SATL1: variants seen among roughly 807,000 people sequenced by gnomAD.
SATL1 encodes spermidine/spermine N(1)-acetyltransferase-like protein 1.
Under a neutral mutation model 51.8 loss-of-function variants are expected in SATL1, and 47 were observed. That is an observed-to-expected ratio of 0.91 (90% CI 0.72 to 1.16). SATL1 has a LOEUF of 1.16. SATL1 is among the 50% of genes most tolerant of loss of function. The pLI, the probability that SATL1 is intolerant of heterozygous loss-of-function variation, is 0.00. For missense variants in SATL1, 520 were observed against 526.4 expected (o/e 0.99, Z 0.12); for synonymous variants, 176 against 182.4 (o/e 0.97, Z 0.28).
At chrX:85,176,567 T>C (rs1351270488) in intron 2 of SATL1, among the ~76,000 whole-genome samples, 1 of 111,790 alleles carries the variant, frequency 8.9e-6, no homozygotes, top group Non-Finnish European at 1.9e-5. Flanking sequence ...TCTGAATAGC[T>C]CTCCAAGATA....
chrX:85,133,496 G>A (rs1466765268), intron 2 of SATL1, among the ~76,000 whole-genome samples: 1 of 112,407 alleles, frequency 8.9e-6, no homozygotes, highest in South Asian at 3.6e-4. Flanking sequence ...CATTTGCTAA[G>A]ACCATTGGAA....
chrX:85,213,881 T>G (rs778335402), intron 2 of SATL1, among the ~76,000 whole-genome samples: 11 of 111,373 alleles, frequency 9.9e-5, no homozygotes, highest in African/African-American at 3.3e-4. Context: ...TGAACTCATT[T>G]TGGGTCAATA....
chrX:85,145,781 A>C (rs1227242618), intron 2 of SATL1, among the ~76,000 whole-genome samples: 1 of 110,984 alleles, frequency 9.0e-6, no homozygotes, highest in Admixed American at 9.6e-5. Flanking sequence ...AGTCCCCCTT[A>C]TTTGCAGTTT....
chrX:85,153,765 G>T (rs1048152445), intron 2 of SATL1: 8 of 111,524 alleles, frequency 7.2e-5, no homozygotes, highest in African/African-American at 2.6e-4. Flanking sequence ...GGGTACATGG[G>T]GACCAAATGT....
At chrX:85,109,301 A>C in intron 2 of SATL1, 21 bp from the exon 3 acceptor site, 1 of 301,710 alleles carries the variant, frequency 3.3e-6, no homozygotes, top group South Asian at 6.2e-5. Flanking sequence ...GGGGGAAGTA[A>C]AGGGAAGACG....
At chrX:85,166,418 C>A (rs1470153111) in intron 2 of SATL1, among the ~76,000 whole-genome samples, 1 of 111,468 alleles carries the variant, frequency 9.0e-6, no homozygotes, top group African/African-American at 3.3e-5. Flanking sequence ...GGAACTCAAA[C>A]AAATCATCAA....
chrX:85,209,648 G>A (rs1386672625), intron 2 of SATL1: 2 of 111,126 alleles, frequency 1.8e-5, no homozygotes, highest in African/African-American at 3.3e-5. Flanking sequence ...ATCGTGAATG[G>A]GAATTCACTC....
intron 2 of SATL1, among the ~76,000 whole-genome samples, chrX:85,140,782 C>T (rs1926090194): frequency 9.0e-6 from 1 of 111,500 alleles, no homozygotes; most frequent in African/African-American, 3.3e-5. Context: ...ACGTTATATC[C>T]CTAGAATTTT....
chrX:85,154,950 G>A (rs955039343), intron 2 of SATL1, among the ~76,000 whole-genome samples: 3 of 111,582 alleles, frequency 2.7e-5, no homozygotes, highest in Middle Eastern at 4.6e-3. Flanking sequence ...TATAAAGGTA[G>A]TTTGAAATAT....
At chrX:85,166,937 GTGTA>G (rs1181946674) in intron 2 of SATL1, among the ~76,000 whole-genome samples, 1 of 80,970 alleles carries the variant, frequency 1.2e-5, no homozygotes, top group African/African-American at 5.9e-5. Flanking sequence ...ATATATATAT[GTGTA>G]TGTGTGTGTG....
Position 85,156,868 on chromosome X carries a change from T to A in SATL1, c.-312-47588A>T, listed in dbSNP as rs868698845. ...ATATATATATATATATATATATATA[T>A]AAAATATGTAAATCTCTTCTCATCC... is the stretch of plus-strand genomic sequence containing the variant. On this transcript the variant is annotated intron_variant, in intron 2 of 7. Transcript: ENST00000644105. Among the ~76,000 whole-genome samples the A allele has an allele frequency of 4.0e-3, 285 of 70,564 alleles. 5 individuals are homozygous for A. The highest frequency in any genetic ancestry group is 0.014 in the African/African-American group (203 of 15,018). 61.3% of individuals were successfully genotyped at this position (70,564 alleles called of 115,157 possible). A position where few individuals can be genotyped will look rare whatever the true frequency, so the allele number is the denominator to read the frequency against.
chrX:85,199,693 T>C (rs1183131671), intron 2 of SATL1, among the ~76,000 whole-genome samples: 1 of 112,034 alleles, frequency 8.9e-6, no homozygotes, highest in Non-Finnish European at 1.9e-5. Context: ...AAACTTCACA[T>C]GTTCTCATTC....
At chrX:85,185,523 C>A (rs73234627) in intron 2 of SATL1, among the ~76,000 whole-genome samples, 12,056 of 110,652 alleles carry the variant, frequency 0.11, 568 homozygotes, top group South Asian at 0.18. Flanking sequence ...TGTAGCTGAT[C>A]TGCCACCCAA....
intron 1 of SATL1, among the ~76,000 whole-genome samples, chrX:85,227,333 C>G (rs1316496207): frequency 8.9e-6 from 1 of 111,780 alleles, no homozygotes; most frequent in Non-Finnish European, 1.9e-5. Context: ...GCAATCCAAA[C>G]AAAACTTTGA....
Position 85,109,128 on chromosome X carries a change from C to T in SATL1, c.-160G>A. 4.0e-6 allele frequency: 2 copies of T among 493,981 alleles called. No individual in the cohort carries two copies. The highest frequency in any genetic ancestry group is 6.6e-6 in the Non-Finnish European group (2 of 300,874). 40.7% of individuals were successfully genotyped at this position (493,981 alleles called of 1,213,427 possible). ...CCCAGTTCTTCTCAATTTGATTCGC[C>T]CACTTTGAGATACCCCTCTATCAAG... On this transcript the variant is annotated 5_prime_UTR_variant, in exon 3 of 8. Coordinates refer to ENST00000644105, the MANE Select transcript of SATL1 (RefSeq NM_001367857.2).
At chrX:85,152,558 G>A (rs1418552341) in intron 2 of SATL1, among the ~76,000 whole-genome samples, 2 of 111,171 alleles carry the variant, frequency 1.8e-5, no homozygotes, top group African/African-American at 6.5e-5. Flanking sequence ...CAAAGACTTG[G>A]AACCAACCCA....
chrX:85,208,044 C>T (rs1455133757), intron 2 of SATL1, among the ~76,000 whole-genome samples: 1 of 110,373 alleles, frequency 9.1e-6, no homozygotes, highest in Non-Finnish European at 1.9e-5. Flanking sequence ...TAATGCTATC[C>T]CTCCCCCAGC....
intron 2 of SATL1, among the ~76,000 whole-genome samples, chrX:85,138,917 A>G (rs1423846092): frequency 8.9e-6 from 1 of 112,117 alleles, no homozygotes; most frequent in African/African-American, 3.2e-5. Context: ...AAAGTCCTTA[A>G]GTAGGCAAGA....
chrX:85,195,685 G>T (rs1426627722), intron 2 of SATL1, among the ~76,000 whole-genome samples: 1 of 109,838 alleles, frequency 9.1e-6, no homozygotes, highest in Non-Finnish European at 1.9e-5. Flanking sequence ...GGTGGCAGGG[G>T]CCTGTAATCC....
Sources: allele counts gnomAD v4.1 joint callset (sites outside exome capture counted in the v4.1 genomes callset), GRCh38; gene constraint gnomAD v4.1.1; transcripts MANE v1.5; gene names NCBI Gene and HGNC (gene_info 2026-07-23, HGNC 2026-07-21).